Variants in CHODL observed in about 807,000 individuals in gnomAD.
CHODL encodes chondrolectin, also known as transmembrane protein MT75.
In CHODL, 29 loss-of-function variants were observed where a neutral mutation model predicts 34.5. The observed-to-expected ratio is 0.84, with a 90% confidence interval of 0.63 to 1.15. The LOEUF (loss-of-function observed/expected upper bound fraction) is 1.15, where lower values mean the gene tolerates loss of function less well. Among genes scored for constraint, CHODL ranks in the 50% most tolerant of loss-of-function variants. CHODL has a pLI of 0.00. For missense variants in CHODL, 332 were observed against 332.5 expected, an observed-to-expected ratio of 1.00 and a Z score of 0.01; for synonymous variants, 125 against 116.1, an observed-to-expected ratio of 1.08 and a Z score of -0.49.
intron 2 of CHODL, among the ~76,000 whole-genome samples, chr21:18,138,669 T>G (rs913014675): frequency 1.3e-5 from 2 of 152,198 alleles, no homozygotes; most frequent in Non-Finnish European, 2.9e-5. Flanking sequence ...GAGGTCAGCA[T>G]TTTTGTTCCT....
intron 2 of CHODL, among the ~76,000 whole-genome samples, chr21:18,232,145 T>G (rs1160833340): frequency 6.6e-6 from 1 of 152,130 alleles, no homozygotes. Flanking sequence ...AGTTCTATTA[T>G]TTACTTAATA....
At chr21:18,237,107 A>G (rs997772919) in intron 2 of CHODL, among the ~76,000 whole-genome samples, 5 of 152,130 alleles carry the variant, frequency 3.3e-5, no homozygotes, top group Non-Finnish European at 7.4e-5. Context: ...GTAGGATGTG[A>G]AAATCAACCA....
At chr21:18,205,859 C>T (rs1238958766) in intron 2 of CHODL, among the ~76,000 whole-genome samples, 3 of 151,944 alleles carry the variant, frequency 2.0e-5, no homozygotes, top group Non-Finnish European at 4.4e-5. Context: ...GCCTCAACGT[C>T]CCATGTAGCT....
upstream of CHODL, among the ~76,000 whole-genome samples, chr21:18,242,628 A>C (rs557406883): frequency 9.9e-5 from 15 of 152,060 alleles, no homozygotes; most frequent in Non-Finnish European, 2.1e-4. Flanking sequence ...AAAACATCAT[A>C]TCTAAAAAGA....
rs115274261 is a variant in CHODL at position 18,245,421 on chromosome 21, A to G, written c.79+119A>G. On this transcript the variant is annotated intron_variant, in intron 1 of 5. Transcript: ENST00000299295. The stretch of plus-strand genomic sequence containing the variant: ...CGTTGGAAACCTGCATGGTGTAAGG[A>G]CCCGGGAGGAGGCGGGGAGAAATTG... 5.2e-3 allele frequency: 3,816 copies of G among 735,452 alleles called. 100 individuals are homozygous for G. The African/African-American group carries it at 0.058, about 11-fold the overall frequency. The allele number at this position is 735,452 out of a possible 1,614,324, so 45.6% of individuals were successfully genotyped here.
intron 2 of CHODL, among the ~76,000 whole-genome samples, chr21:18,103,601 G>A (rs1688168): frequency 0.47 from 70,904 of 151,572 alleles, 17,321 homozygotes; most frequent in African/African-American, 0.53. Flanking sequence ...TTCAGGCGAT[G>A]GATGGGCTGC....
chr21:17,984,245 T>C (rs158009), intron 1 of CHODL, among the ~76,000 whole-genome samples: 51,217 of 152,008 alleles, frequency 0.34, 9,177 homozygotes, highest in East Asian at 0.64. Context: ...AAAATTCCAT[T>C]ATATGGGTAG....
At position 18,159,861 on chromosome 21, in the gene CHODL, G is replaced by C. The variant is rs185158767; in HGVS notation, c.-44-96648G>C. Among the ~76,000 whole-genome samples, 5 of 152,282 alleles carry C rather than the reference G, an allele frequency of 3.3e-5. No individual in the cohort carries two copies. In the East Asian group the frequency reaches 9.6e-4, roughly 29 times the overall value. On this transcript the variant is annotated intron_variant, in intron 2 of 6. Coordinates refer to the CHODL transcript ENST00000400127. Reference sequence around the variant, plus strand: ...GTTGGCTTTGAAGACAGAGGAAGAGGACCATGAGCCAAGGACTGTGGGCAG... The same window carrying C: ...GTTGGCTTTGAAGACAGAGGAAGAGCACCATGAGCCAAGGACTGTGGGCAG...
intron 1 of CHODL, among the ~76,000 whole-genome samples, chr21:17,980,622 C>T (rs1208631999): frequency 6.6e-6 from 1 of 152,164 alleles, no homozygotes; most frequent in African/African-American, 2.4e-5. Context: ...TTGAATTCCA[C>T]TGAGGGACTG....
intron 1 of CHODL, among the ~76,000 whole-genome samples, chr21:17,934,102 A>G (rs1415904292): frequency 6.6e-6 from 1 of 151,910 alleles, no homozygotes; most frequent in Non-Finnish European, 1.5e-5. Context: ...AGAGAGAGTG[A>G]GGGTCGAAAA....
chr21:18,245,522 G>A (rs1299638077), intron 1 of CHODL, among the ~76,000 whole-genome samples: 2 of 152,196 alleles, frequency 1.3e-5, no homozygotes, highest in Admixed American at 1.3e-4. Flanking sequence ...GCTTGCTTAC[G>A]TAGCTGCGGA....
intron 1 of CHODL, among the ~76,000 whole-genome samples, chr21:17,941,544 A>G (rs1290817560): frequency 1.3e-5 from 2 of 151,178 alleles, no homozygotes; most frequent in African/African-American, 4.9e-5. Context: ...AACATTGACT[A>G]GTATTTTATT....
chr21:18,029,343 C>T (rs1385962174), intron 2 of CHODL, among the ~76,000 whole-genome samples: 1 of 152,028 alleles, frequency 6.6e-6, no homozygotes, highest in Non-Finnish European at 1.5e-5. Context: ...ACATTTTGGC[C>T]ACATGTCTGA....
At chr21:18,195,606 C>T (rs1386648061) in intron 2 of CHODL, among the ~76,000 whole-genome samples, 1 of 152,104 alleles carries the variant, frequency 6.6e-6, no homozygotes, top group East Asian at 1.9e-4. Context: ...TAATGTCCTC[C>T]ACGTTTATCC....
chr21:17,987,966 G>T (rs1187411247), intron 1 of CHODL, among the ~76,000 whole-genome samples: 1 of 152,032 alleles, frequency 6.6e-6, no homozygotes, highest in Non-Finnish European at 1.5e-5. Context: ...ACAAATTGAG[G>T]GTGGATGCAT....
chr21:18,089,899 G>C (rs2065051691), intron 2 of CHODL, among the ~76,000 whole-genome samples: 3 of 152,136 alleles, frequency 2.0e-5, no homozygotes, highest in Admixed American at 1.3e-4. Flanking sequence ...AAGTTTTATA[G>C]CGGAAGAGGG....
chr21:18,074,377 T>A (rs2064840331), intron 2 of CHODL, among the ~76,000 whole-genome samples: 1 of 152,200 alleles, frequency 6.6e-6, no homozygotes, highest in African/African-American at 2.4e-5. Flanking sequence ...ATTTCTAAAT[T>A]AGACTGTTAT....
chr21:18,100,432 G>A (rs561470008), intron 2 of CHODL, among the ~76,000 whole-genome samples: 1 of 152,172 alleles, frequency 6.6e-6, no homozygotes, highest in South Asian at 2.1e-4. Context: ...TGGGTGGTTA[G>A]CATGGGGAAG....
chr21:18,046,925 G>T (rs9982685), intron 2 of CHODL, among the ~76,000 whole-genome samples: 4 of 151,740 alleles, frequency 2.6e-5, no homozygotes, highest in Admixed American at 1.3e-4. Flanking sequence ...TAATTTTCAC[G>T]TCTCCATATT....
Sources: allele counts gnomAD v4.1 joint callset (sites outside exome capture counted in the v4.1 genomes callset), GRCh38; gene constraint gnomAD v4.1.1; transcripts MANE v1.5; gene names NCBI Gene and HGNC (gene_info 2026-07-23, HGNC 2026-07-21).